AKAP19: variants seen among roughly 807,000 people sequenced by gnomAD.
AKAP19 encodes the protein A-kinase anchoring protein 19.
the AKAP19 span, among the ~76,000 whole-genome samples, chr2:190,196,353 T>C: frequency 2.6e-5 from 4 of 152,284 alleles, no homozygotes; most frequent in East Asian, 7.7e-4. Flanking sequence ...CAATGAATTT[T>C]TCATTTCACA....
the AKAP19 span, chr2:190,057,049 T>A: frequency 8.9e-6 from 5 of 561,552 alleles, no homozygotes; most frequent in Non-Finnish European, 1.6e-5. Context: ...ACTCTGGAAA[T>A]CATAAAACTT....
the AKAP19 span, among the ~76,000 whole-genome samples, chr2:190,158,890 G>A: frequency 1.3e-5 from 2 of 152,244 alleles, no homozygotes; most frequent in African/African-American, 4.8e-5. Flanking sequence ...TGGAGAGAAG[G>A]CTGCAGGAGA....
At chr2:190,104,128 A>G in the AKAP19 span, among the ~76,000 whole-genome samples, 1 of 152,252 alleles carries the variant, frequency 6.6e-6, no homozygotes, top group Non-Finnish European at 1.5e-5. Flanking sequence ...ATAGCTGGCT[A>G]GCCATATGCG....
chr2:190,002,523 C>T, the AKAP19 span, among the ~76,000 whole-genome samples: 1 of 151,712 alleles, frequency 6.6e-6, no homozygotes, highest in South Asian at 2.1e-4. Context: ...GCACATGTAC[C>T]CTAAAACTTA....
At chr2:189,944,339 A>G in the AKAP19 span, among the ~76,000 whole-genome samples, 6 of 152,064 alleles carry the variant, frequency 3.9e-5, no homozygotes, top group Admixed American at 3.9e-4. Context: ...CTGCTTCACC[A>G]TGTGATGTAC....
the AKAP19 span, among the ~76,000 whole-genome samples, chr2:190,114,635 T>C: frequency 2.6e-5 from 4 of 152,156 alleles, no homozygotes; most frequent in African/African-American, 9.7e-5. Flanking sequence ...TTTTTGTACT[T>C]TTAGTAGAGA....
chr2:190,175,422 C>A, the AKAP19 span, among the ~76,000 whole-genome samples: 1 of 152,154 alleles, frequency 6.6e-6, no homozygotes, highest in Non-Finnish European at 1.5e-5. Flanking sequence ...ATGAACAGAA[C>A]TGGATTATAC....
At chr2:190,186,269 A>G in the AKAP19 span, among the ~76,000 whole-genome samples, 1 of 152,184 alleles carries the variant, frequency 6.6e-6, no homozygotes, top group Non-Finnish European at 1.5e-5. The surrounding 1 kb of genome is among the most constrained non-coding windows in gnomAD (Gnocchi z 5.5). Context: ...CAATTTTTAG[A>G]TGACTGAGGT....
the AKAP19 span, among the ~76,000 whole-genome samples, chr2:189,892,482 C>T: frequency 2.0e-5 from 3 of 152,196 alleles, no homozygotes; most frequent in African/African-American, 7.2e-5. Context: ...TTCCTTCTAA[C>T]AGGCCCCTCT....
At chr2:189,923,411 C>T in the AKAP19 span, 4 of 1,613,660 alleles carry the variant, frequency 2.5e-6, no homozygotes, top group Non-Finnish European at 3.4e-6. Context: ...TCTCAACACT[C>T]TTGTGGTCAA....
the AKAP19 span, among the ~76,000 whole-genome samples, chr2:190,071,318 G>A: frequency 6.6e-6 from 1 of 152,076 alleles, no homozygotes; most frequent in Non-Finnish European, 1.5e-5. Flanking sequence ...GCTTGTTGTA[G>A]TGCCACACAC....
the AKAP19 span, among the ~76,000 whole-genome samples, chr2:190,195,057 T>C: frequency 1.3e-5 from 2 of 151,894 alleles, no homozygotes; most frequent in Admixed American, 6.6e-5. Context: ...AGAGACGGGG[T>C]CTTGCTATGT....
chr2:190,080,835 C>A, the AKAP19 span, among the ~76,000 whole-genome samples: 1 of 152,130 alleles, frequency 6.6e-6, no homozygotes, highest in Non-Finnish European at 1.5e-5. Flanking sequence ...ATCTTGATTA[C>A]AAACCTCTAC....
the AKAP19 span, among the ~76,000 whole-genome samples, chr2:190,154,964 G>A: frequency 2.0e-5 from 3 of 152,126 alleles, no homozygotes; most frequent in South Asian, 2.1e-4. Context: ...CACTCCCACC[G>A]CTTTTCTAAG....
chr2:190,181,071 G>T, the AKAP19 span: 1 of 985,626 alleles, frequency 1.0e-6, no homozygotes, highest in Non-Finnish European at 1.2e-6. Context: ...CGGCTGTCCG[G>T]ACGTGCCATG....
At chr2:190,146,890 C>A in the AKAP19 span, among the ~76,000 whole-genome samples, 1 of 151,996 alleles carries the variant, frequency 6.6e-6, no homozygotes, top group African/African-American at 2.4e-5. Context: ...ATTATAGATT[C>A]TGAATATTAG....
At chr2:190,195,598 C>T in the AKAP19 span, among the ~76,000 whole-genome samples, 5 of 152,190 alleles carry the variant, frequency 3.3e-5, no homozygotes, top group African/African-American at 4.8e-5. Flanking sequence ...GCCCATTTTT[C>T]AATTAGCTTG....
At chr2:189,882,857 G>A in the AKAP19 span, among the ~76,000 whole-genome samples, 2 of 151,936 alleles carry the variant, frequency 1.3e-5, no homozygotes, top group Non-Finnish European at 2.9e-5. Context: ...ATGGGAGGCA[G>A]GTTTGTCTGA....
chr2:189,972,570 G>A, the AKAP19 span, among the ~76,000 whole-genome samples: 3 of 152,122 alleles, frequency 2.0e-5, no homozygotes, highest in Non-Finnish European at 4.4e-5. Flanking sequence ...AATTACCTTG[G>A]GCAGTATGGC....
Sources: allele counts gnomAD v4.1 joint callset (sites outside exome capture counted in the v4.1 genomes callset), GRCh38; gene constraint gnomAD v4.1.1; non-coding constraint Gnocchi (gnomAD v3.1); transcripts MANE v1.5; gene names NCBI Gene and HGNC (gene_info 2026-07-23, HGNC 2026-07-21).